Variants in SNX8 observed in about 807,000 individuals in gnomAD.
The protein encoded by SNX8 is sorting nexin-8.
A neutral mutation model predicts 51.6 loss-of-function variants in SNX8; 25 were observed. The ratio of observed to expected loss-of-function variants is 0.48; its 90% CI spans 0.35 to 0.68. The LOEUF (loss-of-function observed/expected upper bound fraction) is 0.68, where lower values mean the gene tolerates loss of function less well. SNX8 is among the 30% of genes least tolerant of loss of function. The probability of loss-of-function intolerance (pLI) is 0.00; values close to 1 mark genes in which losing one functional copy is unlikely to be tolerated. For missense variants in SNX8, 695 were observed against 624.0 expected (o/e 1.11, Z -1.21); for synonymous variants, 324 against 277.0 (o/e 1.17, Z -1.68).
At chr7:2,284,838 C>T (rs1205117165) in intron 1 of SNX8, among the ~76,000 whole-genome samples, 1 of 152,160 alleles carries the variant, frequency 6.6e-6, no homozygotes, top group Non-Finnish European at 1.5e-5. Flanking sequence ...TTCTTCCGCT[C>T]ATAAACACTT....
chr7:2,260,275 T>C (rs1232875064), intron 7 of SNX8, among the ~76,000 whole-genome samples: 1 of 152,144 alleles, frequency 6.6e-6, no homozygotes, highest in African/African-American at 2.4e-5. Flanking sequence ...TGTTTGTATT[T>C]TTAGTAGAGA....
In SNX8 at chr7:2,341,725, C is replaced by T. The variant is rs554216068; in HGVS notation, c.-66+12497G>A. 5.9e-5 allele frequency among the ~76,000 whole-genome samples: 9 copies of T among 152,184 alleles called. No individual in the cohort carries two copies. In the East Asian group the frequency reaches 1.4e-3, roughly 23 times the overall value. On this transcript the variant is annotated intron_variant, in intron 1 of 5. Transcript: ENST00000435336. ...AGCATCGGCCACGCGCAGTGGCTCA[C>T]GCTTGTAATCCTAGAACTTTGGAGG... is the stretch of plus-strand genomic sequence containing the variant.
intron 1 of SNX8, among the ~76,000 whole-genome samples, chr7:2,294,842 C>CG (rs1371172953): frequency 6.6e-6 from 1 of 151,730 alleles, no homozygotes; most frequent in Non-Finnish European, 1.5e-5. Context: ...GAGACCAGCC[C>CG]GGGGAACATG....
chr7:2,341,082 A>G (rs1232967591), intron 1 of SNX8, among the ~76,000 whole-genome samples: 1 of 150,666 alleles, frequency 6.6e-6, no homozygotes, highest in Non-Finnish European at 1.5e-5. Flanking sequence ...AGGTGGGAGG[A>G]TCACTGGAGC....
At chr7:2,268,226 C>A (rs571140111) in intron 5 of SNX8, among the ~76,000 whole-genome samples, 1 of 139,606 alleles carries the variant, frequency 7.2e-6, no homozygotes, top group Non-Finnish European at 1.5e-5. Flanking sequence ...CGCCTCTGCC[C>A]GGCGAGACCC....
chr7:2,279,425 G>A (rs1795860207), intron 1 of SNX8, among the ~76,000 whole-genome samples: 1 of 152,156 alleles, frequency 6.6e-6, no homozygotes, highest in South Asian at 2.1e-4. Flanking sequence ...TCATGCTACA[G>A]AGTCGACGCT....
chr7:2,262,870 C>A (rs1306848537), intron 7 of SNX8, among the ~76,000 whole-genome samples: 1 of 152,244 alleles, frequency 6.6e-6, no homozygotes, highest in Non-Finnish European at 1.5e-5. Flanking sequence ...GTAATCCCAG[C>A]ACTTTGGGAG....
chr7:2,319,792 G>T (rs1796805551), intron 1 of SNX8, among the ~76,000 whole-genome samples: 1 of 145,052 alleles, frequency 6.9e-6, no homozygotes, highest in South Asian at 2.2e-4. Context: ...TCCAGCCTGG[G>T]CGACAGAGCG....
chr7:2,275,972 T>G (rs1167141382), intron 2 of SNX8, among the ~76,000 whole-genome samples: 3 of 146,150 alleles, frequency 2.1e-5, no homozygotes, highest in Non-Finnish European at 4.5e-5. Context: ...CACTCCAGCC[T>G]GGGCGGCAGA....
chr7:2,302,155 C>T (rs1236825927), intron 1 of SNX8, among the ~76,000 whole-genome samples: 3 of 152,202 alleles, frequency 2.0e-5, no homozygotes, highest in African/African-American at 7.2e-5. Context: ...GATGCCGAGC[C>T]GAAGCTGGAC....
chr7:2,261,535 T>C (rs1795336618), intron 7 of SNX8, among the ~76,000 whole-genome samples: 1 of 152,244 alleles, frequency 6.6e-6, no homozygotes, highest in Non-Finnish European at 1.5e-5. Flanking sequence ...AATAGCTTGA[T>C]CATGGTCACA....
At chr7:2,282,389 C>A (rs921629508) in intron 1 of SNX8, among the ~76,000 whole-genome samples, 1 of 152,150 alleles carries the variant, frequency 6.6e-6, no homozygotes, top group East Asian at 1.9e-4. Flanking sequence ...CGGTGAGGGG[C>A]AAAGTCAGGC....
At chr7:2,332,874 AAGAG>A (rs1240192948) in intron 1 of SNX8, among the ~76,000 whole-genome samples, 4 of 151,254 alleles carry the variant, frequency 2.6e-5, no homozygotes, top group South Asian at 4.3e-4. Context: ...GAGAGAAAGA[AAGAG>A]AAAGAAAGAA....
intron 1 of SNX8, chr7:2,307,977 C>T (rs1377071954): frequency 6.6e-6 from 1 of 151,278 alleles, no homozygotes; most frequent in African/African-American, 2.4e-5. Flanking sequence ...ATCTGTTCTA[C>T]ATAACAGTGA....
chr7:2,322,741 G>A (rs1583111826), intron 1 of SNX8, among the ~76,000 whole-genome samples: 1 of 151,724 alleles, frequency 6.6e-6, no homozygotes, highest in African/African-American at 2.4e-5. Context: ...TGTAGGCCAG[G>A]TGCTATGGGT....
intron 1 of SNX8, among the ~76,000 whole-genome samples, chr7:2,338,740 A>T (rs1778873151): frequency 2.0e-5 from 3 of 152,304 alleles, no homozygotes; most frequent in African/African-American, 7.2e-5. Context: ...AGAACTAACA[A>T]GAGAATTCAG....
intron 1 of SNX8, among the ~76,000 whole-genome samples, chr7:2,309,088 C>T (rs907854828): frequency 3.3e-5 from 5 of 151,986 alleles, no homozygotes; most frequent in African/African-American, 4.8e-5. Flanking sequence ...CAGGCCCAGA[C>T]ACAAATCTTT....
chr7:2,325,152 T>A (rs1778600395), intron 1 of SNX8, among the ~76,000 whole-genome samples: 1 of 152,066 alleles, frequency 6.6e-6, no homozygotes, highest in South Asian at 2.1e-4. Context: ...ATAAAAAAAT[T>A]TTTTTAGAGA....
chr7:2,327,608 T>C (rs150740987), intron 1 of SNX8, among the ~76,000 whole-genome samples: 2,224 of 151,914 alleles, frequency 0.015, 55 homozygotes, highest in African/African-American at 0.05. Flanking sequence ...GGGGTTTCAC[T>C]GTGTTAGCCA....
Sources: gnomAD v4.1 joint callset for allele counts (sites outside exome capture counted in the v4.1 genomes callset) on GRCh38, gnomAD v4.1.1 for gene constraint, MANE v1.5 for transcripts, NCBI Gene and HGNC (gene_info 2026-07-23, HGNC 2026-07-21) for gene names.